Variants in SDSL observed in about 807,000 individuals in gnomAD.
The protein encoded by SDSL is serine dehydratase like.
A neutral mutation model predicts 27.6 loss-of-function variants in SDSL; 26 were observed. The observed-to-expected ratio is 0.94, with a 90% CI of 0.69 to 1.31. The LOEUF (loss-of-function observed/expected upper bound fraction) is 1.31. SDSL is among the 50% of genes most tolerant of loss of function. The pLI is 0.00. For missense variants in SDSL, 431 were observed against 423.5 expected (o/e 1.02, Z -0.16); for synonymous variants, 196 against 180.6 (o/e 1.09, Z -0.69).
chr12:113,432,088 A>G (rs1262394199), intron 4 of SDSL, among the ~76,000 whole-genome samples: 1 of 151,694 alleles, frequency 6.6e-6, no homozygotes, highest in Non-Finnish European at 1.5e-5. Context: ...ACAGGGTTTC[A>G]CCATGTTGGC....
At chr12:113,427,667 G>A (rs952691942) in intron 1 of SDSL, among the ~76,000 whole-genome samples, 3 of 152,150 alleles carry the variant, frequency 2.0e-5, no homozygotes, top group East Asian at 1.9e-4. Context: ...TTTTTTGACT[G>A]AGGAATGAAT....
rs114254316 is a variant in SDSL at position 113,425,610 on chromosome 12, T to C, written c.-21-2352T>C. 5.4e-3 allele frequency: 2,457 copies of C among 452,854 alleles called. 44 individuals are homozygous for C. The highest frequency in any genetic ancestry group is 0.045 in the African/African-American group (2,214 of 49,724). 28.1% of individuals were successfully genotyped at this position (452,854 alleles called of 1,614,324 possible). On this transcript the variant is annotated intron_variant, in intron 1 of 7. Transcript: ENST00000403593. ...CTGGCTGTATTTTTTCCTTTTTTTT[T>C]CTCTACTATTTTTCCTCCCTCTCAT...
At chr12:113,426,222 C>T (rs1455178690) in intron 1 of SDSL, 15 of 455,844 alleles carry the variant, frequency 3.3e-5, no homozygotes, top group Admixed American at 2.1e-4. Flanking sequence ...GTGGTCCTGG[C>T]TGCTGTTCTC....
At chr12:113,423,481 A>C (rs924006668) in intron 1 of SDSL, among the ~76,000 whole-genome samples, 3 of 152,142 alleles carry the variant, frequency 2.0e-5, no homozygotes, top group Admixed American at 6.5e-5. Context: ...GGTGGCTCAC[A>C]CCTGTTATCC....
chr12:113,427,990 G>C lies in SDSL; in HGVS notation c.8G>C (p.Gly3Ala). The C allele has an allele frequency of 1.9e-6, 3 of 1,611,334 alleles. No individual in the cohort carries two copies. Among genetic ancestry groups the C allele is most frequent in the Non-Finnish European group, 2.5e-6 (3 of 1,178,888 alleles). MD[G>A]PVAEHAKQEP... is the part of the protein sequence containing the mutation. The stretch of plus-strand genomic sequence containing the variant: ...GTCTACCTGGTCTCCAGAATGGACG[G>C]CCCTGTGGCAGAGCATGCCAAGCAG... Residue 3 changes from glycine (G) to alanine (A), a missense_variant, in exon 2 of 8, where the codon GGC becomes GCC. Gly to Ala is a moderately conservative substitution (Grantham distance 60). Transcript: ENST00000403593.
intron 4 of SDSL, among the ~76,000 whole-genome samples, chr12:113,432,270 T>TTCTC (rs1180524457): frequency 2.6e-5 from 3 of 116,266 alleles, no homozygotes; most frequent in African/African-American, 9.6e-5. Context: ...CTTTCTTTCT[T>TTCTC]TCTTTCTTTC....
At chr12:113,436,204 A>G (rs960565295) in intron 6 of SDSL, among the ~76,000 whole-genome samples, 1 of 152,168 alleles carries the variant, frequency 6.6e-6, no homozygotes, top group African/African-American at 2.4e-5. Context: ...ACCCTAATCC[A>G]GTATGATTTC....
In SDSL at chr12:113,429,268, G is replaced by C. The variant is rs113152874; in HGVS notation, c.323G>C (p.Gly108Ala). Residue 108 changes from glycine to alanine, a missense_variant, in exon 4 of 8, where the codon GGG becomes GCG. Transcript: ENST00000403593. ...TSLQVVQRLQ[G>A]EGAEVQLTGK... ...CTGCAGGTGGTGCAGAGGCTGCAGG[G>C]GGAGGGGGCCGAGGTTCAGCTGACT... 45,828 of 1,613,008 alleles carry C rather than the reference G, an allele frequency of 0.028. 784 individuals are homozygous for C. Among genetic ancestry groups the C allele is most frequent in the Non-Finnish European group, 0.032 (37,404 of 1,179,128 alleles).
At chr12:113,428,529 C>T (rs1388649256) in intron 3 of SDSL, 70 bp downstream of exon 3, 2 of 1,430,568 alleles carry the variant, frequency 1.4e-6, no homozygotes, top group Non-Finnish European at 1.9e-6. Context: ...CGGCAGTACA[C>T]ATCCAGGGTT....
At chr12:113,436,325 G>C (rs1008382572) in intron 6 of SDSL, among the ~76,000 whole-genome samples, 1 of 149,894 alleles carries the variant, frequency 6.7e-6, no homozygotes, top group Non-Finnish European at 1.5e-5. Context: ...ATCTCACTCT[G>C]TTTCCCAGGC....
rs748982684 is a variant in SDSL at position 113,436,915 on chromosome 12, C to T, written c.796+40C>T. 5.0e-5 allele frequency: 76 copies of T among 1,508,170 alleles called. No homozygotes were observed. The South Asian group carries it at 6.6e-4, about 13-fold the overall frequency. The allele number at this position is 1,508,170 out of a possible 1,614,324, so 93.4% of individuals were successfully genotyped here. On this transcript the variant is annotated intron_variant, in intron 7 of 7. Transcript: ENST00000403593. ...TCCTCCACCTGGGCTCAGAGACCCA[C>T]GAAGTCCCTGCATCCTCTAGCAAGA...
chr12:113,429,965 TCTTCCCTCCCTCCCTCCCTC>T (rs1957899969), intron 4 of SDSL, among the ~76,000 whole-genome samples: 1 of 146,802 alleles, frequency 6.8e-6, no homozygotes, highest in Admixed American at 6.9e-5. Context: ...CCTCCTTCCC[TCTTCCCTCCCTCCCTCCCTC>T]CTTCCCTCCC....
Position 113,438,180 on chromosome 12 carries a change from C to T in SDSL, c.*101C>T. Reference sequence around the variant, plus strand: ...CTGGCAGATGGCAGTGGAAGCTGCCCTGTGCAACTGTGCTGGCTGCCTCCT... The same window carrying T: ...CTGGCAGATGGCAGTGGAAGCTGCCTTGTGCAACTGTGCTGGCTGCCTCCT... On this transcript the variant is annotated 3_prime_UTR_variant, in exon 8 of 8. Coordinates refer to ENST00000403593, the MANE Select transcript of SDSL (RefSeq NM_001304993.2). 2.0e-6 allele frequency: 2 copies of T among 1,016,376 alleles called. No individual in the cohort carries two copies. Among genetic ancestry groups the T allele is most frequent in the Non-Finnish European group, 1.4e-6 (1 of 693,550 alleles). The allele number at this position is 1,016,376 out of a possible 1,614,324, so 63.0% of individuals were successfully genotyped here.
chr12:113,426,929 ACT>A (rs1957857500), intron 1 of SDSL, among the ~76,000 whole-genome samples: 2 of 152,052 alleles, frequency 1.3e-5, no homozygotes, highest in African/African-American at 4.8e-5. Context: ...ACAGAGTGAG[ACT>A]CTGTCTCAAA....
intron 6 of SDSL, among the ~76,000 whole-genome samples, chr12:113,436,475 A>T (rs1957995222): frequency 6.6e-6 from 1 of 152,082 alleles, no homozygotes; most frequent in Non-Finnish European, 1.5e-5. Flanking sequence ...TTTAGTAGAG[A>T]CGGGGTTTCA....
chr12:113,436,751 T>A lies in SDSL; in HGVS notation c.672T>A (p.Ser224Arg). Residue 224 changes from serine (S) to arginine (R), a missense_variant and splice_region_variant, in exon 7 of 8, where the codon AGT becomes AGA. Ser to Arg is a moderately radical substitution (Grantham distance 110, BLOSUM62 -1). Coordinates refer to ENST00000403593, the MANE Select transcript of SDSL (RefSeq NM_001304993.2). ...GKLVTLPDITSVAKSLGAKTV... is the reference protein window; with the variant it reads ...GKLVTLPDITRVAKSLGAKTV... The stretch of plus-strand genomic sequence containing the variant: ...TGCCCCACCCTGCTCTATCCTGCAG[T>A]GTGGCCAAGAGCCTGGGTGCCAAGA... The A allele has an allele frequency of 6.2e-7, 1 of 1,605,396 alleles. No homozygotes were observed. Among genetic ancestry groups the A allele is most frequent in the Non-Finnish European group, 8.5e-7 (1 of 1,178,148 alleles).
chr12:113,435,185 C>T (rs1231462628), intron 5 of SDSL, 144 bp from the exon 6 acceptor site: 13 of 527,620 alleles, frequency 2.5e-5, no homozygotes, highest in Admixed American at 1.8e-4. Context: ...CTCCCCTCAC[C>T]GTGGATGGGA....
chr12:113,436,558 G>A (rs371570129), intron 6 of SDSL, among the ~76,000 whole-genome samples, 193 bp from the exon 7 acceptor site: 7 of 152,242 alleles, frequency 4.6e-5, no homozygotes, highest in African/African-American at 1.7e-4. Context: ...CAAAGTGCTG[G>A]GATTACAGGC....
rs1369249691 is a variant in SDSL at position 113,435,464 on chromosome 12, T to C, written c.579T>C (p.His193=). The C allele has an allele frequency of 1.2e-6, 2 of 1,614,072 alleles. No homozygotes were observed. Among genetic ancestry groups the C allele is most frequent in the South Asian group, 2.2e-5 (2 of 91,074 alleles). The change falls in exon 6 of 8, where the codon CAT becomes CAC. Residue 193 remains histidine, a synonymous_variant. Transcript: ENST00000403593. ...VAGLLEVGWQ[H]VPIIAMETHG... ...GCCTGCTGGAGGTGGGCTGGCAGCA[T>C]GTACCCATCATTGCCATGGAGACCC...
Sources: allele counts gnomAD v4.1 joint callset (sites outside exome capture counted in the v4.1 genomes callset), GRCh38; gene constraint gnomAD v4.1.1; transcripts MANE v1.5; gene names NCBI Gene and HGNC (gene_info 2026-07-23, HGNC 2026-07-21).